Variants in TBC1D4 observed in about 807,000 individuals in gnomAD.
TBC1D4 encodes TBC (Tre-2, BUB2, CDC16) domain-containing protein.
TBC1D4 carries 121 observed loss-of-function variants against 142.5 expected under a neutral mutation model. That is an observed-to-expected ratio of 0.85 (90% CI 0.73 to 0.99). The LOEUF is 0.99. Ranked by LOEUF, TBC1D4 falls within the 50% of genes least tolerant of loss-of-function variation. The pLI is 0.00. For missense variants in TBC1D4, 1,475 were observed against 1,606.6 expected, an observed-to-expected ratio of 0.92 and a Z score of 1.40; for synonymous variants, 630 against 628.2, an observed-to-expected ratio of 1.00 and a Z score of -0.04.
At position 75,324,302 on chromosome 13, in the gene TBC1D4, G is replaced by A. The variant is rs761030122; in HGVS notation, c.2133C>T (p.Pro711=). ...TCTGGTAAAAGCTTTTCAGGAAAGA[G>A]GGGGCAGTGAAGGAAGGGGCAGAGA... is the stretch of plus-strand genomic sequence containing the variant. ...TSFSAPSFTA[P]SFLKSFYQNS... The change falls in exon 11 of 21, where the codon CCC becomes CCT. Residue 711 remains proline (P), a synonymous_variant. Transcript: ENST00000377636. 1 of 1,614,026 alleles carries A rather than the reference G, an allele frequency of 6.2e-7. No individual in the cohort carries two copies. The highest frequency in any genetic ancestry group is 1.7e-4 in the Middle Eastern group (1 of 6,060).
intron 1 of TBC1D4, among the ~76,000 whole-genome samples, chr13:75,402,654 AACACACACAC>A (rs56176942): frequency 1.7e-3 from 241 of 142,454 alleles, no homozygotes; most frequent in African/African-American, 4.0e-3. Flanking sequence ...ATCCCTAGTA[AACACACACAC>A]ACACACACAC....
chr13:75,474,646 C>CT (rs71127545), intron 1 of TBC1D4, among the ~76,000 whole-genome samples: 104 of 146,726 alleles, frequency 7.1e-4, no homozygotes, highest in Non-Finnish European at 1.2e-3. Context: ...ATAATTTAAC[C>CT]TTTTTTTTTT....
intron 1 of TBC1D4, among the ~76,000 whole-genome samples, chr13:75,408,737 T>G (rs1202053124): frequency 6.6e-6 from 1 of 152,208 alleles, no homozygotes; most frequent in Non-Finnish European, 1.5e-5. Context: ...ACACTTGTTA[T>G]TATCAGTCAT....
chr13:75,289,098 C>T lies in TBC1D4; in HGVS notation c.3499G>A (p.Asp1167Asn). The T allele has an allele frequency of 6.2e-7, 1 of 1,613,564 alleles. No individual in the cohort carries two copies. The highest frequency in any genetic ancestry group is 8.5e-7 in the Non-Finnish European group (1 of 1,179,752). ...TAGGCATGCAACTGCTTAGAAATAT[C>T]CATCTCAAAAACCTGCCATGAAAGT... The part of the protein sequence containing the change: ...EKIITQVFEM[D>N]ISKQLHAYEV... Residue 1167 changes from aspartate to asparagine, a missense_variant, in exon 20 of 21, where the codon GAT (aspartate) becomes AAT (asparagine). Physicochemically the swap from Asp to Asn is conservative, Grantham distance 23. Transcript: ENST00000377636.
At chr13:75,287,361 T>C (rs1008802187) in intron 20 of TBC1D4, among the ~76,000 whole-genome samples, 4 of 152,192 alleles carry the variant, frequency 2.6e-5, no homozygotes, top group African/African-American at 7.2e-5. Flanking sequence ...CCTGACACTA[T>C]TGCAGTGCTA....
At position 75,379,885 on chromosome 13, in the gene TBC1D4, C is replaced by CTTTTTTTTTTTTTTTTTTTTTTTTTT. The variant is rs1883718060; in HGVS notation, c.499-17279_499-17278insAAAAAAAAAAAAAAAAAAAAAAAAAA. 4.1e-5 allele frequency among the ~76,000 whole-genome samples: 4 copies of CTTTTTTTTTTTTTTTTTTTTTTTTTT among 98,536 alleles called. 1 individual carries two copies. Among genetic ancestry groups the CTTTTTTTTTTTTTTTTTTTTTTTTTT allele is most frequent in the African/African-American group, 3.6e-5 (1 of 27,814 alleles). 64.6% of individuals were successfully genotyped at this position (98,536 alleles called of 152,430 possible). On this transcript the variant is annotated intron_variant, in intron 1 of 20. Coordinates refer to ENST00000377636, the MANE Select transcript of TBC1D4 (RefSeq NM_014832.5). ...AAGTATATCAGTTTTGTTCATCTGA[C>CTTTTTTTTTTTTTTTTTTTTTTTTTT]TCTTTTTTTTTTTTTTTTTTTTTTT...
At chr13:75,338,867 G>A (rs541446485) in intron 7 of TBC1D4, among the ~76,000 whole-genome samples, 203 of 152,110 alleles carry the variant, frequency 1.3e-3, no homozygotes, top group African/African-American at 4.6e-3. Flanking sequence ...TTCCCCACAC[G>A]GGAAACCCTG....
intron 1 of TBC1D4, among the ~76,000 whole-genome samples, chr13:75,431,314 G>A (rs905505616): frequency 6.6e-6 from 1 of 152,130 alleles, no homozygotes; most frequent in Admixed American, 6.5e-5. Flanking sequence ...TCAAGTATAT[G>A]GGTGCTAGGG....
At chr13:75,459,107 C>T (rs1306203570) in intron 1 of TBC1D4, among the ~76,000 whole-genome samples, 2 of 152,166 alleles carry the variant, frequency 1.3e-5, no homozygotes, top group Non-Finnish European at 2.9e-5. Context: ...CGCCAGCAAG[C>T]CCTGGGCTGG....
intron 1 of TBC1D4, among the ~76,000 whole-genome samples, chr13:75,364,099 G>A (rs1882754480): frequency 6.6e-6 from 1 of 152,150 alleles, no homozygotes; most frequent in Admixed American, 6.5e-5. Context: ...GAGTGTGCAT[G>A]GTGGGGGCGG....
In TBC1D4 at chr13:75,326,273, T is replaced by G; in HGVS notation, c.1957A>C (p.Lys653Gln). 6.2e-7 allele frequency: 1 copy of G among 1,614,082 alleles called. No homozygotes were observed. Among genetic ancestry groups the G allele is most frequent in the Non-Finnish European group, 8.5e-7 (1 of 1,180,012 alleles). The stretch of plus-strand genomic sequence containing the variant: ...GCCCTCCCATCCTGCAAATTCAGCT[T>G]TCTCTTTGTGCTTGAAGGTGGGTGG... ...FSHPPSSTKR[K>Q]LNLQDGRAQG... The change falls in exon 10 of 21, where the codon AAG becomes CAG. Residue 653 changes from lysine (K) to glutamine (Q), a missense_variant. By Grantham distance (53) the Lys-to-Gln change is moderately conservative (BLOSUM62 1). Coordinates refer to ENST00000377636, the MANE Select transcript of TBC1D4 (RefSeq NM_014832.5).
At chr13:75,300,636 T>TA (rs1391003205) in intron 16 of TBC1D4, among the ~76,000 whole-genome samples, 1 of 152,244 alleles carries the variant, frequency 6.6e-6, no homozygotes, top group Non-Finnish European at 1.5e-5. Flanking sequence ...AAGCAATTTT[T>TA]AAAATTATGG....
chr13:75,324,393 G>GA lies in TBC1D4; in HGVS notation c.2041dup (p.Ser681PhefsTer11). 1 of 1,613,876 alleles carries GA rather than the reference G, an allele frequency of 6.2e-7. No individual in the cohort carries two copies. The stretch of plus-strand genomic sequence containing the variant: ...CTCCTTGTACATGCGTCGAACTGAC[G>GA]AAAGATTGCTGAGTACAGAAAATAC... On this transcript the variant is annotated frameshift_variant, in exon 11 of 21. Coordinates refer to ENST00000377636, the MANE Select transcript of TBC1D4 (RefSeq NM_014832.5). LOFTEE classifies it high-confidence loss of function.
At chr13:75,347,669 G>A (rs932461039) in intron 5 of TBC1D4, among the ~76,000 whole-genome samples, 1 of 152,146 alleles carries the variant, frequency 6.6e-6, no homozygotes, top group Non-Finnish European at 1.5e-5. Flanking sequence ...CTTTTGGGAT[G>A]GCTAATTGAT....
At chr13:75,422,684 C>A (rs747903180) in intron 1 of TBC1D4, among the ~76,000 whole-genome samples, 21 of 152,106 alleles carry the variant, frequency 1.4e-4, no homozygotes, top group Non-Finnish European at 2.6e-4. Flanking sequence ...AGGATATTCT[C>A]TGGGCATTTA....
intron 1 of TBC1D4, among the ~76,000 whole-genome samples, chr13:75,408,135 C>CA (rs1933060037): frequency 6.6e-6 from 1 of 152,156 alleles, no homozygotes; most frequent in Admixed American, 6.5e-5. Context: ...CCCCTTCCCC[C>CA]AAACACTGAT....
At position 75,326,236 on chromosome 13, in the gene TBC1D4, C is replaced by T. The variant is rs770428762; in HGVS notation, c.1994G>A (p.Arg665His). The change falls in exon 10 of 21, where the codon CGT becomes CAT. Residue 665 changes from arginine (R) to histidine (H), a missense_variant. Arg to His is a conservative substitution (Grantham distance 29, BLOSUM62 0). Transcript: ENST00000377636. Reference sequence around the variant, plus strand: ...GGAGCTCTGCCTCAGCAGAGGGGAACGCACACCCTGAGCCCTCCCATCCTG... The same window carrying T: ...GGAGCTCTGCCTCAGCAGAGGGGAATGCACACCCTGAGCCCTCCCATCCTG... ...NLQDGRAQGV[R>H]SPLLRQSSSE... is the part of the protein sequence containing the mutation. The T allele has an allele frequency of 1.1e-5, 18 of 1,614,042 alleles. No homozygotes were observed. The highest frequency in any genetic ancestry group is 4.0e-5 in the African/African-American group (3 of 74,920).
At chr13:75,454,373 A>C (rs186594885) in intron 1 of TBC1D4, among the ~76,000 whole-genome samples, 139 of 152,316 alleles carry the variant, frequency 9.1e-4, no homozygotes, top group African/African-American at 3.2e-3. Flanking sequence ...TGTTATTTAA[A>C]ATACCTACTC....
chr13:75,411,045 A>C (rs2138399092), intron 1 of TBC1D4, among the ~76,000 whole-genome samples: 1 of 152,122 alleles, frequency 6.6e-6, no homozygotes, highest in East Asian at 1.9e-4. Flanking sequence ...CACGTGGCTA[A>C]AGCTTATCAG....
Sources: allele counts gnomAD v4.1 joint callset (sites outside exome capture counted in the v4.1 genomes callset), GRCh38; gene constraint gnomAD v4.1.1; transcripts MANE v1.5; gene names NCBI Gene and HGNC (gene_info 2026-07-23, HGNC 2026-07-21).